GRHL2: variants seen among roughly 807,000 people sequenced by gnomAD.
The protein encoded by GRHL2 is grainyhead-like protein 2 homolog.
In GRHL2, 21 loss-of-function variants were observed where a neutral mutation model predicts 83.8. The observed-to-expected ratio is 0.25, with a 90% CI of 0.18 to 0.36. The LOEUF (loss-of-function observed/expected upper bound fraction) is 0.36. GRHL2 is among the 10% of genes least tolerant of loss of function. GRHL2 has a pLI of 1.00. For missense variants in GRHL2, 623 were observed against 781.8 expected (o/e 0.80, Z 2.42); for synonymous variants, 280 against 278.9 (o/e 1.00, Z -0.04).
intron 9 of GRHL2, among the ~76,000 whole-genome samples, chr8:101,631,019 T>C (rs183393748): frequency 3.9e-4 from 60 of 152,272 alleles, no homozygotes; most frequent in Admixed American, 3.7e-3. Context: ...AGGAGTTTAA[T>C]AGACTAAACA....
rs1814169581 is a variant in GRHL2 at position 101,669,688 on chromosome 8, TAAG to T, written c.*2986_*2988del. 7.9e-6 allele frequency: 1 copy of T among 127,090 alleles called. No individual in the cohort carries two copies. Among genetic ancestry groups the T allele is most frequent in the Non-Finnish European group, 1.7e-5 (1 of 59,886 alleles). The allele number at this position is 127,090 out of a possible 1,614,324, so 7.9% of individuals were successfully genotyped here. A position where few individuals can be genotyped will look rare whatever the true frequency, so the allele number is the denominator to read the frequency against. On this transcript the variant is annotated 3_prime_UTR_variant, in exon 16 of 16. Coordinates refer to ENST00000646743, the MANE Select transcript of GRHL2 (RefSeq NM_024915.4). ...AGTTATTTTATTTTTTGTACATTTT[TAAG>T]GAGAAAAAATAAATATTCATAACAT...
At chr8:101,609,205 G>GGGAA (rs1812698222) in intron 8 of GRHL2, among the ~76,000 whole-genome samples, 1 of 150,422 alleles carries the variant, frequency 6.6e-6, no homozygotes, top group South Asian at 2.1e-4. Context: ...AAGAAGAACA[G>GGGAA]GGAAGGAAGG....
intron 14 of GRHL2, among the ~76,000 whole-genome samples, chr8:101,651,953 T>G (rs1813630969): frequency 6.6e-6 from 1 of 152,180 alleles, no homozygotes; most frequent in Non-Finnish European, 1.5e-5. Flanking sequence ...CCTCGGGTGA[T>G]GCAGTCTGGA....
chr8:101,544,285 G>A (rs1811215650), intron 2 of GRHL2, among the ~76,000 whole-genome samples: 1 of 152,150 alleles, frequency 6.6e-6, no homozygotes, highest in Non-Finnish European at 1.5e-5. Context: ...TTTCGTGGAA[G>A]ACTTTTGCAG....
At chr8:101,612,520 G>GATACATGC (rs1812773016) in intron 8 of GRHL2, among the ~76,000 whole-genome samples, 1 of 123,678 alleles carries the variant, frequency 8.1e-6, no homozygotes, top group Non-Finnish European at 1.7e-5. Context: ...TAGATAGATA[G>GATACATGC]ATACATACAT....
intron 9 of GRHL2, among the ~76,000 whole-genome samples, chr8:101,627,311 A>T (rs1384213394): frequency 6.6e-6 from 1 of 152,082 alleles, no homozygotes; most frequent in Non-Finnish European, 1.5e-5. Context: ...TGATTCTCTC[A>T]ACATTTCAAA....
At chr8:101,553,913 A>T (rs1811439182) in intron 3 of GRHL2, among the ~76,000 whole-genome samples, 1 of 152,186 alleles carries the variant, frequency 6.6e-6, no homozygotes, top group Non-Finnish European at 1.5e-5. Flanking sequence ...GGTGTGGGCC[A>T]CCGCACCTGG....
rs778051979 is a variant in GRHL2, at chr8:101,558,587, G to A, written c.453G>A (p.Pro151=). The change falls in exon 4 of 16, where the codon CCG becomes CCA. Residue 151 remains proline (P), a synonymous_variant. Transcript: ENST00000646743. ...TCCCCGAGAGCTCTGCCATCATCCC[G>A]GTGTCGGGAATCACGGTGGTGAAAG... is the stretch of plus-strand genomic sequence containing the variant. ...ISFPESSAII[P]VSGITVVKAE... is the part of the protein sequence containing the mutation. 1.2e-6 allele frequency: 2 copies of A among 1,613,982 alleles called. No homozygotes were observed. Among genetic ancestry groups the A allele is most frequent in the Admixed American group, 1.7e-5 (1 of 60,006 alleles).
chr8:101,636,272 A>C (rs930118803), intron 11 of GRHL2, among the ~76,000 whole-genome samples: 2 of 152,096 alleles, frequency 1.3e-5, no homozygotes, highest in Non-Finnish European at 2.9e-5. Context: ...GTCTTTGGAG[A>C]TCTTCCTTCT....
At chr8:101,513,201 C>T (rs1281679714) in intron 1 of GRHL2, among the ~76,000 whole-genome samples, 1 of 151,998 alleles carries the variant, frequency 6.6e-6, no homozygotes, top group Non-Finnish European at 1.5e-5. Flanking sequence ...AGGTTCAGTT[C>T]ATCAATATTT....
chr8:101,649,544 C>T (rs757291722), intron 14 of GRHL2, 45 bp downstream of exon 14: 8 of 1,423,284 alleles, frequency 5.6e-6, no homozygotes, highest in Non-Finnish European at 3.0e-6. Flanking sequence ...CTGCTGTGTT[C>T]TCTCTCCTCT....
intron 1 of GRHL2, among the ~76,000 whole-genome samples, chr8:101,515,485 C>T (rs1810554627): frequency 6.6e-6 from 1 of 152,190 alleles, no homozygotes; most frequent in African/African-American, 2.4e-5. Flanking sequence ...TATGTCTCTC[C>T]TGCCATTTCT....
chr8:101,508,333 T>G (rs1810382014), intron 1 of GRHL2, among the ~76,000 whole-genome samples: 1 of 151,916 alleles, frequency 6.6e-6, no homozygotes, highest in Non-Finnish European at 1.5e-5. Context: ...CTTTGCCAAT[T>G]TGGTAGATTA....
At position 101,515,692 on chromosome 8, in the gene GRHL2, G is replaced by A. The variant is rs190418719; in HGVS notation, c.20+22903G>A. ...AGATAGGGTGTCCAGGAAAGCCTGG[G>A]GATTGCACCTAAGAGGTCAGCTTGA... is the stretch of plus-strand genomic sequence containing the variant. On this transcript the variant is annotated intron_variant, in intron 1 of 15. Coordinates refer to ENST00000646743, the MANE Select transcript of GRHL2 (RefSeq NM_024915.4). Among the ~76,000 whole-genome samples, 74 of 152,174 alleles carry A rather than the reference G, an allele frequency of 4.9e-4. 1 individual carries two copies. Among genetic ancestry groups the A allele is most frequent in the Non-Finnish European group, 8.5e-4 (58 of 67,998 alleles).
chr8:101,536,407 G>T (rs1055419456), intron 1 of GRHL2, among the ~76,000 whole-genome samples: 4 of 152,128 alleles, frequency 2.6e-5, no homozygotes, highest in Non-Finnish European at 4.4e-5. Flanking sequence ...GGGATAAAGA[G>T]AAAGAATAAT....
At chr8:101,680,192 A>G in the GRHL2 span, among the ~76,000 whole-genome samples, 3 of 122,378 alleles carry the variant, frequency 2.5e-5, no homozygotes, top group African/African-American at 9.9e-5. Context: ...TCTCACGTGC[A>G]GAGACACACA....
chr8:101,603,567 G>A (rs1046076060), intron 8 of GRHL2, among the ~76,000 whole-genome samples: 2 of 152,222 alleles, frequency 1.3e-5, no homozygotes, highest in Admixed American at 6.5e-5. Context: ...CAGGGAAGGT[G>A]TTAAAGCTAT....
intron 14 of GRHL2, among the ~76,000 whole-genome samples, chr8:101,652,622 G>C (rs1383738703): frequency 7.1e-6 from 1 of 139,964 alleles, no homozygotes; most frequent in Non-Finnish European, 1.5e-5. Flanking sequence ...TGGTGTGTGT[G>C]TGTGTGTACT....
intron 1 of GRHL2, among the ~76,000 whole-genome samples, chr8:101,520,425 A>AAGATGATTTTTCT (rs1334298339): frequency 6.6e-6 from 1 of 152,206 alleles, no homozygotes; most frequent in Non-Finnish European, 1.5e-5. Flanking sequence ...AGACCTTATA[A>AAGATGATTTTTCT]AGATGATTTT....
Sources: gnomAD v4.1 joint callset for allele counts (sites outside exome capture counted in the v4.1 genomes callset) on GRCh38, gnomAD v4.1.1 for gene constraint, MANE v1.5 for transcripts, NCBI Gene and HGNC (gene_info 2026-07-23, HGNC 2026-07-21) for gene names.